NRROS: variants seen among roughly 807,000 people sequenced by gnomAD.
NRROS encodes negative regulator of reactive oxygen species.
In NRROS, 6 loss-of-function variants were observed where a neutral mutation model predicts 12.0. That is an observed-to-expected ratio of 0.50 (90% CI 0.27 to 0.98). NRROS has a LOEUF of 0.98. Among genes scored for constraint, NRROS ranks in the 50% least tolerant of loss-of-function variants. NRROS has a pLI of 0.11. For synonymous variants in NRROS, 462 were observed against 410.2 expected (o/e 1.13, Z -1.53); for missense variants, 857 against 888.2 (o/e 0.96, Z 0.45).
At chr3:196,648,683 T>C (rs776642574) in intron 1 of NRROS, among the ~76,000 whole-genome samples, 2 of 144,092 alleles carry the variant, frequency 1.4e-5, no homozygotes, top group Non-Finnish European at 3.0e-5. Context: ...GGAGAATCAC[T>C]TGAACCCGGG....
At position 196,660,767 on chromosome 3, in the gene NRROS, C is replaced by A. The variant is rs775822148; in HGVS notation, c.1124C>A (p.Pro375His). The change falls in exon 3 of 3, where the codon CCC becomes CAC. Residue 375 changes from proline to histidine, a missense_variant. Physicochemically the swap from Pro to His is moderately conservative, Grantham distance 77 (BLOSUM62 -2). Coordinates refer to ENST00000328557, the MANE Select transcript of NRROS (RefSeq NM_198565.3). This position sits in a 1 kb window ranked among gnomAD's most constrained non-coding sequence, Gnocchi z 7.7. ...CTTCACATTCGGGAGCACGAGCCCC[C>A]CGGAGCGCTCACCGAGCTGGACCTG... ...MTLHIREHEP[P>H]GALTELDLSH... is the part of the protein sequence containing the mutation. The A allele has an allele frequency of 3.1e-6, 5 of 1,613,758 alleles. No homozygotes were observed. The highest frequency in any genetic ancestry group is 1.3e-5 in the African/African-American group (1 of 74,950).
intron 1 of NRROS, among the ~76,000 whole-genome samples, chr3:196,641,925 A>T (rs1360245353): frequency 6.6e-6 from 1 of 152,226 alleles, no homozygotes; most frequent in East Asian, 1.9e-4. Flanking sequence ...TGTGTATGAC[A>T]CACTTACAGA....
intron 1 of NRROS, among the ~76,000 whole-genome samples, chr3:196,643,448 C>A (rs1286893719): frequency 6.6e-6 from 1 of 152,192 alleles, no homozygotes; most frequent in Non-Finnish European, 1.5e-5. Flanking sequence ...CACAGGGACT[C>A]CCCTCCTCCA....
intron 1 of NRROS, among the ~76,000 whole-genome samples, chr3:196,640,851 G>C (rs1285220850): frequency 6.6e-6 from 1 of 152,148 alleles, no homozygotes; most frequent in Non-Finnish European, 1.5e-5. Context: ...GGGGCTGAGG[G>C]GACCCCACCG....
chr3:196,657,797 A>G (rs1737571265), intron 2 of NRROS, among the ~76,000 whole-genome samples: 1 of 151,842 alleles, frequency 6.6e-6, no homozygotes, highest in African/African-American at 2.4e-5. Flanking sequence ...GGGAAGGGGG[A>G]TGTGGAAAGA....
rs375143570 is a variant in NRROS, at chr3:196,661,644, C to T, written c.2001C>T (p.Cys667=). 44 of 1,610,216 alleles carry T rather than the reference C, an allele frequency of 2.7e-5. No individual in the cohort carries two copies. The highest frequency in any genetic ancestry group is 3.6e-5 in the Non-Finnish European group (43 of 1,179,974). Reference sequence around the variant, plus strand: ...GCTGCCTCACCCTGCTGGTGGCCTGCACTGTCATCGTCCTCACTTTTAAGA... The same window carrying T: ...GCTGCCTCACCCTGCTGGTGGCCTGTACTGTCATCGTCCTCACTTTTAAGA... ...LPSCLTLLVA[C]TVIVLTFKKP... The change falls in exon 3 of 3, where the codon TGC becomes TGT. Residue 667 remains cysteine, a synonymous_variant. Transcript: ENST00000328557.
At chr3:196,651,287 C>T (rs1737419482) in intron 1 of NRROS, among the ~76,000 whole-genome samples, 1 of 152,164 alleles carries the variant, frequency 6.6e-6, no homozygotes, top group African/African-American at 2.4e-5. Flanking sequence ...GCCATTCTCA[C>T]ATGATTGTAT....
chr3:196,650,358 G>A (rs1577631242), intron 1 of NRROS, among the ~76,000 whole-genome samples: 1 of 152,154 alleles, frequency 6.6e-6, no homozygotes, highest in East Asian at 1.9e-4. Context: ...TGGCCAGGCT[G>A]GTCTCAAACT....
chr3:196,645,373 C>T (rs1001985210), intron 1 of NRROS, among the ~76,000 whole-genome samples: 3 of 152,196 alleles, frequency 2.0e-5, no homozygotes, highest in Admixed American at 6.5e-5. Flanking sequence ...ATGCAGAAGT[C>T]ACAGACCTGG....
intron 1 of NRROS, among the ~76,000 whole-genome samples, chr3:196,650,113 C>G (rs1221901217): frequency 2.0e-5 from 3 of 152,134 alleles, no homozygotes; most frequent in African/African-American, 7.2e-5. Flanking sequence ...TTTCTAAAAA[C>G]AAAACAATAG....
rs1308168112 is a variant in NRROS, at chr3:196,639,857, G to C, written c.-32G>C. The C allele has an allele frequency of 1.3e-5, 2 of 152,352 alleles. No individual in the cohort carries two copies. Among genetic ancestry groups the C allele is most frequent in the East Asian group, 3.8e-4 (2 of 5,198 alleles). The allele number at this position is 152,352 out of a possible 1,614,324, so 9.4% of individuals were successfully genotyped here. ...CGGAGACGATGCGCCCCGCGCAGCCGCCTGCGCCTGCGGGAGCCGTGAGTA... is the reference window on the plus strand; with the variant it reads ...CGGAGACGATGCGCCCCGCGCAGCCCCCTGCGCCTGCGGGAGCCGTGAGTA... On this transcript the variant is annotated 5_prime_UTR_variant, in exon 1 of 3. Coordinates refer to ENST00000328557, the MANE Select transcript of NRROS (RefSeq NM_198565.3).
rs1268607499 is a variant in NRROS at position 196,654,553 on chromosome 3, C to T, written c.14C>T (p.Pro5Leu). Residue 5 changes from proline to leucine, a missense_variant, in exon 2 of 3, where the codon CCT becomes CTT. Coordinates refer to ENST00000328557, the MANE Select transcript of NRROS (RefSeq NM_198565.3). The surrounding 1 kb of genome is among the most constrained non-coding windows in gnomAD (Gnocchi z 4.4). MELL[P>L]LWLCLGFHFL... ...GCTGCCCTTGAGATGGAGTTGCTGCCTCTTTGGCTCTGCCTGGGTTTTCAC... is the reference window on the plus strand; with the variant it reads ...GCTGCCCTTGAGATGGAGTTGCTGCTTCTTTGGCTCTGCCTGGGTTTTCAC... 1.9e-6 allele frequency: 3 copies of T among 1,613,630 alleles called. No homozygotes were observed. Among genetic ancestry groups the T allele is most frequent in the Middle Eastern group, 1.6e-4 (1 of 6,062 alleles).
intron 2 of NRROS, among the ~76,000 whole-genome samples, chr3:196,657,707 C>CAAAAAAAA (rs11403911): frequency 8.1e-6 from 1 of 123,180 alleles, no homozygotes. Context: ...GACTCTGTCT[C>CAAAAAAAA]AAAAAAAAAA....
rs34359599 is a variant in NRROS, at chr3:196,648,766, CAAAAAAAAAAAA to C, written c.-13-5748_-13-5737del. On this transcript the variant is annotated intron_variant, in intron 1 of 2. Coordinates refer to ENST00000328557, the MANE Select transcript of NRROS (RefSeq NM_198565.3). ...GGGCAACAAGAGTGAAACTCCATCT[CAAAAAAAAAAAA>C]AAAAAAAAAAAATTCCAACATCCAC... 1.3e-4 allele frequency among the ~76,000 whole-genome samples: 10 copies of C among 74,818 alleles called. No homozygotes were observed. The South Asian group carries it at 3.8e-3, about 29-fold the overall frequency. The allele number at this position is 74,818 out of a possible 152,430, so 49.1% of individuals were successfully genotyped here.
chr3:196,643,073 C>CA (rs10719005), intron 1 of NRROS, among the ~76,000 whole-genome samples: 226 of 129,398 alleles, frequency 1.7e-3, no homozygotes, highest in East Asian at 0.016. Flanking sequence ...AATTCTGTCT[C>CA]AAAAAAAAAA....
At chr3:196,659,079 C>T (rs1737604074) in intron 2 of NRROS, among the ~76,000 whole-genome samples, 2 of 152,168 alleles carry the variant, frequency 1.3e-5, no homozygotes, top group South Asian at 4.1e-4. Flanking sequence ...ATTAAAGTAT[C>T]CTGCACGTGT....
intron 1 of NRROS, among the ~76,000 whole-genome samples, chr3:196,653,532 C>T (rs1737474234): frequency 1.3e-5 from 2 of 152,344 alleles, no homozygotes; most frequent in South Asian, 4.1e-4. Flanking sequence ...ATGCTGGGGC[C>T]AGCTCTTGCC....
intron 1 of NRROS, among the ~76,000 whole-genome samples, chr3:196,650,462 G>T (rs1375990255): frequency 1.3e-5 from 2 of 151,674 alleles, no homozygotes; most frequent in African/African-American, 4.9e-5. Flanking sequence ...ATTTTTTTTA[G>T]AGAGGCAGGG....
chr3:196,648,753 T>G (rs1489848442), intron 1 of NRROS, among the ~76,000 whole-genome samples: 3 of 92,814 alleles, frequency 3.2e-5, no homozygotes, highest in African/African-American at 4.9e-5. Flanking sequence ...GCAACAAGAG[T>G]GAAACTCCAT....
Sources: allele counts gnomAD v4.1 joint callset (sites outside exome capture counted in the v4.1 genomes callset), GRCh38; gene constraint gnomAD v4.1.1; non-coding constraint Gnocchi (gnomAD v3.1); transcripts MANE v1.5; gene names NCBI Gene and HGNC (gene_info 2026-07-23, HGNC 2026-07-21).